RFX3: variants seen among roughly 807,000 people sequenced by gnomAD.
The protein encoded by RFX3 is regulatory factor X3, also known as transcription factor RFX3.
RFX3 carries 14 observed loss-of-function variants against 98.6 expected under a neutral mutation model. The observed-to-expected ratio is 0.14, with a 90% CI of 0.09 to 0.22. The LOEUF is 0.22. Among genes scored for constraint, RFX3 ranks in the 10% least tolerant of loss-of-function variants. The pLI, the probability that RFX3 is intolerant of heterozygous loss-of-function variation, is 1.00. For synonymous variants in RFX3, 383 were observed against 328.4 expected (o/e 1.17, Z -1.80); for missense variants, 639 against 926.9 (o/e 0.69, Z 4.03).
intron 5 of RFX3, among the ~76,000 whole-genome samples, chr9:3,297,052 G>C (rs1054730577): frequency 2.0e-5 from 3 of 152,048 alleles, no homozygotes; most frequent in African/African-American, 4.8e-5. Context: ...TGGCAGTTAA[G>C]TTTTTGTGTA....
At chr9:3,273,659 T>A (rs772166527) in intron 9 of RFX3, among the ~76,000 whole-genome samples, 1 of 151,548 alleles carries the variant, frequency 6.6e-6, no homozygotes, top group Non-Finnish European at 1.5e-5. Context: ...AGGTCAGGAG[T>A]TCAAAACCAG....
chr9:3,467,643 G>C (rs1438908709), intron 1 of RFX3, among the ~76,000 whole-genome samples: 1 of 151,984 alleles, frequency 6.6e-6, no homozygotes, highest in Non-Finnish European at 1.5e-5. Flanking sequence ...ACATCCAACA[G>C]AATAACTAGT....
intron 1 of RFX3, among the ~76,000 whole-genome samples, chr9:3,502,255 C>T (rs1816110427): frequency 6.7e-6 from 1 of 150,222 alleles, no homozygotes; most frequent in African/African-American, 2.4e-5. Context: ...AAGACTCTGT[C>T]TCAAAAGAAA....
intron 4 of RFX3, among the ~76,000 whole-genome samples, chr9:3,308,280 G>C (rs1439970688): frequency 6.6e-6 from 1 of 152,096 alleles, no homozygotes; most frequent in Non-Finnish European, 1.5e-5. Context: ...GGCAACTCCT[G>C]TAAGATCAAA....
intron 1 of RFX3, among the ~76,000 whole-genome samples, chr9:3,398,860 C>T (rs1841172538): frequency 8.0e-6 from 1 of 124,920 alleles, no homozygotes; most frequent in Non-Finnish European, 1.6e-5. Context: ...ACCATGTATA[C>T]ATATGTAACT....
intron 2 of RFX3, among the ~76,000 whole-genome samples, chr9:3,356,089 C>A (rs1320178712): frequency 7.1e-6 from 1 of 140,278 alleles, no homozygotes; most frequent in Non-Finnish European, 1.5e-5. Flanking sequence ...GGAAAAAAAT[C>A]TAAGGCAATA....
chr9:3,381,961 G>C (rs1368213023), intron 2 of RFX3, among the ~76,000 whole-genome samples: 1 of 151,988 alleles, frequency 6.6e-6, no homozygotes, highest in Non-Finnish European at 1.5e-5. Context: ...GTTTCAACTG[G>C]AGCTCGTTCC....
intron 15 of RFX3, among the ~76,000 whole-genome samples, chr9:3,231,515 G>A (rs1275160955): frequency 6.6e-6 from 1 of 152,158 alleles, no homozygotes; most frequent in Non-Finnish European, 1.5e-5. Flanking sequence ...GAGGTAAGTA[G>A]CAGACATTCC....
chr9:3,324,102 A>G, intron 4 of RFX3: 3 of 402,010 alleles, frequency 7.5e-6, no homozygotes, highest in South Asian at 5.9e-5. Flanking sequence ...TGGCCTAGGG[A>G]AAAAGGGACA....
intron 11 of RFX3, among the ~76,000 whole-genome samples, chr9:3,267,714 T>C (rs1422106827): frequency 6.6e-6 from 1 of 151,830 alleles, no homozygotes; most frequent in Non-Finnish European, 1.5e-5. Context: ...CTTCCCATGT[T>C]AGTCAAAAAA....
At chr9:3,395,954 A>C (rs1349343863) in intron 1 of RFX3, among the ~76,000 whole-genome samples, 1 of 152,014 alleles carries the variant, frequency 6.6e-6, no homozygotes, top group Non-Finnish European at 1.5e-5. Context: ...CACAAACCCT[A>C]CCTGGATGTA....
chr9:3,269,597 A>T (rs909528933), intron 11 of RFX3, among the ~76,000 whole-genome samples: 4 of 152,162 alleles, frequency 2.6e-5, no homozygotes, highest in African/African-American at 9.6e-5. Flanking sequence ...GGTAGCGTTT[A>T]TATCGATACT....
intron 1 of RFX3, among the ~76,000 whole-genome samples, chr9:3,405,554 C>A (rs987059192): frequency 2.0e-5 from 3 of 152,118 alleles, no homozygotes; most frequent in African/African-American, 7.2e-5. Flanking sequence ...ACACAGTCTG[C>A]CCTCAATGAA....
chr9:3,489,480 A>G, intron 1 of RFX3: 1 of 943,106 alleles, frequency 1.1e-6, no homozygotes, highest in Non-Finnish European at 1.3e-6. Context: ...ATTATTGAGT[A>G]GTAGAGTAGG....
At chr9:3,241,328 G>C (rs1313070551) in intron 15 of RFX3, among the ~76,000 whole-genome samples, 1 of 151,230 alleles carries the variant, frequency 6.6e-6, no homozygotes, top group Non-Finnish European at 1.5e-5. Flanking sequence ...TTCCTTCCTT[G>C]AGTATTTTTA....
intron 1 of RFX3, among the ~76,000 whole-genome samples, chr9:3,501,486 T>C (rs1268565936): frequency 6.6e-6 from 1 of 152,088 alleles, no homozygotes; most frequent in East Asian, 1.9e-4. Context: ...TTCAAATTAT[T>C]TCAACAATTT....
rs750924659 is a variant in RFX3, at chr9:3,225,288, A to C, written c.2012-8T>G. ...CTACTTCACTGCCTTCATCTGCACA[A>C]ACAAATAATACCAAGACTATCATCG... On this transcript the variant is annotated splice_region_variant and splice_polypyrimidine_tract_variant and intron_variant, in intron 16 of 16. Transcript: ENST00000617270. 1 of 1,612,658 alleles carries C rather than the reference A, an allele frequency of 6.2e-7. No homozygotes were observed. The highest frequency in any genetic ancestry group is 8.5e-7 in the Non-Finnish European group (1 of 1,179,724).
At chr9:3,454,967 G>A (rs7852899) in intron 1 of RFX3, among the ~76,000 whole-genome samples, 39,044 of 151,880 alleles carry the variant, frequency 0.26, 7,711 homozygotes, top group East Asian at 0.66. Flanking sequence ...CTCCCACCTC[G>A]TCTTCAGAAC....
chr9:3,508,761 A>G (rs1817370695), intron 1 of RFX3, among the ~76,000 whole-genome samples: 2 of 151,990 alleles, frequency 1.3e-5, no homozygotes, highest in South Asian at 4.1e-4. Flanking sequence ...GTATCCTTTC[A>G]TATTTGTTAC....
Sources: gnomAD v4.1 joint callset for allele counts (sites outside exome capture counted in the v4.1 genomes callset) on GRCh38, gnomAD v4.1.1 for gene constraint, MANE v1.5 for transcripts, NCBI Gene and HGNC (gene_info 2026-07-23, HGNC 2026-07-21) for gene names.